The following TTC28 variants were observed in gnomAD, a reference collection of about 807,000 sequenced individuals.
TTC28 encodes tetratricopeptide repeat protein 28.
A neutral mutation model predicts 198.0 loss-of-function variants in TTC28; 61 were observed. That is an observed-to-expected ratio of 0.31 (90% CI 0.25 to 0.38). The LOEUF (loss-of-function observed/expected upper bound fraction) is 0.38, where lower values mean the gene tolerates loss of function less well. Ranked by LOEUF, TTC28 falls within the 10% of genes least tolerant of loss-of-function variation. The probability of loss-of-function intolerance (pLI) is 1.00; values close to 1 mark genes in which losing one functional copy is unlikely to be tolerated. For missense variants in TTC28, 2,678 were observed against 3,164.0 expected (o/e 0.85, Z 3.69); for synonymous variants, 1,171 against 1,297.8 (o/e 0.90, Z 2.10).
chr22:28,530,963 T>C (rs1043783640), intron 2 of TTC28, among the ~76,000 whole-genome samples: 2 of 152,096 alleles, frequency 1.3e-5, no homozygotes, highest in African/African-American at 4.8e-5. Flanking sequence ...CATGCCAAAC[T>C]GTAAAGACCA....
At chr22:28,222,167 T>C (rs2147205456) in intron 5 of TTC28, among the ~76,000 whole-genome samples, 1 of 152,336 alleles carries the variant, frequency 6.6e-6, no homozygotes, top group Middle Eastern at 3.4e-3. Context: ...AGCTGAAGCC[T>C]GACACAGAGG....
At position 28,137,742 on chromosome 22, in the gene TTC28, C is replaced by T. The variant is rs115782810; in HGVS notation, c.1441+25350G>A. Among the ~76,000 whole-genome samples, 464 of 152,126 alleles carry T rather than the reference C, an allele frequency of 3.1e-3. 6 individuals carry two copies. Among genetic ancestry groups the T allele is most frequent in the African/African-American group, 0.011 (443 of 41,512 alleles). ...GAAAATAGTCACTATGGGCCAGGCA[C>T]GGTGGCTCACACCTGTAATCCCAGC... On this transcript the variant is annotated intron_variant, in intron 6 of 22. Transcript: ENST00000397906.
At chr22:28,499,050 C>T (rs989299908) in intron 2 of TTC28, among the ~76,000 whole-genome samples, 2 of 151,940 alleles carry the variant, frequency 1.3e-5, no homozygotes, top group East Asian at 1.9e-4. Flanking sequence ...TGTAGGCACA[C>T]GCCTGTGGTC....
At chr22:28,521,422 A>T (rs1415417733) in intron 2 of TTC28, among the ~76,000 whole-genome samples, 2 of 152,082 alleles carry the variant, frequency 1.3e-5, no homozygotes, top group African/African-American at 2.4e-5. Flanking sequence ...TTAAAAAAAA[A>T]GCCTATCTGT....
intron 2 of TTC28, among the ~76,000 whole-genome samples, chr22:28,590,372 G>A (rs975238423): frequency 1.1e-4 from 16 of 151,966 alleles, no homozygotes; most frequent in Admixed American, 9.8e-4. Flanking sequence ...CTTGTGATCC[G>A]CCCACCTTGG....
intron 12 of TTC28, among the ~76,000 whole-genome samples, chr22:28,053,529 A>G (rs1940166377): frequency 2.0e-5 from 3 of 152,238 alleles, no homozygotes; most frequent in African/African-American, 7.2e-5. Context: ...AGCAAGGGAA[A>G]TAACAGCTTA....
intron 2 of TTC28, among the ~76,000 whole-genome samples, chr22:28,553,628 G>A (rs1338168972): frequency 9.2e-5 from 14 of 152,000 alleles, no homozygotes; most frequent in African/African-American, 2.2e-4. Context: ...GTCTCCGCCC[G>A]GCAGCCACCC....
intron 5 of TTC28, among the ~76,000 whole-genome samples, chr22:28,193,340 T>C (rs1176811408): frequency 1.3e-5 from 2 of 152,128 alleles, no homozygotes; most frequent in African/African-American, 2.4e-5. Flanking sequence ...ATATGCCAAA[T>C]TGTAAAGACC....
At chr22:28,395,518 G>C (rs997347752) in intron 2 of TTC28, among the ~76,000 whole-genome samples, 1 of 151,630 alleles carries the variant, frequency 6.6e-6, no homozygotes, top group Non-Finnish European at 1.5e-5. Flanking sequence ...CGTAGTCCCA[G>C]CTACTCGGGA....
intron 5 of TTC28, among the ~76,000 whole-genome samples, chr22:28,292,889 G>A (rs1472993094): frequency 6.6e-6 from 1 of 152,222 alleles, no homozygotes; most frequent in Admixed American, 6.5e-5. Context: ...CCTAAGCACA[G>A]TATTAGGTGC....
intron 6 of TTC28, among the ~76,000 whole-genome samples, chr22:28,125,779 A>C (rs1016479434): frequency 6.6e-6 from 1 of 152,250 alleles, no homozygotes; most frequent in African/African-American, 2.4e-5. Flanking sequence ...TATTCAGCAT[A>C]GAAATATGTT....
intron 12 of TTC28, among the ~76,000 whole-genome samples, chr22:28,091,491 C>T (rs958337018): frequency 4.6e-5 from 7 of 152,018 alleles, no homozygotes; most frequent in Non-Finnish European, 1.0e-4. Context: ...TGTCATACAC[C>T]CAAGTACCTT....
intron 11 of TTC28, among the ~76,000 whole-genome samples, chr22:28,095,265 T>C (rs1197257490): frequency 2.6e-5 from 4 of 151,826 alleles, no homozygotes; most frequent in South Asian, 2.1e-4. Context: ...ATAAAGAACA[T>C]GGAACTAAAG....
intron 5 of TTC28, among the ~76,000 whole-genome samples, chr22:28,264,775 G>A (rs780848115): frequency 2.6e-5 from 4 of 152,210 alleles, no homozygotes; most frequent in South Asian, 2.1e-4. Flanking sequence ...TGAAGAACAC[G>A]GGTTTAGACC....
intron 2 of TTC28, among the ~76,000 whole-genome samples, chr22:28,432,108 A>C (rs1038672815): frequency 6.6e-6 from 1 of 151,478 alleles, no homozygotes; most frequent in South Asian, 2.1e-4. Flanking sequence ...AAACAGTGAA[A>C]CCCTGTCTCT....
At chr22:28,564,097 A>C (rs1410582379) in intron 2 of TTC28, among the ~76,000 whole-genome samples, 3 of 152,136 alleles carry the variant, frequency 2.0e-5, no homozygotes, top group African/African-American at 7.2e-5. Context: ...AAATCTACAG[A>C]ATGTAGATTG....
chr22:28,604,296 A>ATT (rs1441932568), intron 2 of TTC28, among the ~76,000 whole-genome samples: 31 of 75,078 alleles, frequency 4.1e-4, no homozygotes, highest in African/African-American at 6.9e-4. Flanking sequence ...AAAAAAAAAA[A>ATT]TTATATATAT....
chr22:28,554,356 C>A (rs1431538468), intron 2 of TTC28, among the ~76,000 whole-genome samples: 1 of 149,096 alleles, frequency 6.7e-6, no homozygotes, highest in East Asian at 1.9e-4. Flanking sequence ...CAAGAAACAC[C>A]CAAGAATGAT....
At chr22:28,617,432 G>A (rs894023473) in intron 2 of TTC28, among the ~76,000 whole-genome samples, 1 of 152,062 alleles carries the variant, frequency 6.6e-6, no homozygotes, top group Non-Finnish European at 1.5e-5. Context: ...TTGAGCCTGG[G>A]AGTTTCAGGC....
Sources: allele counts gnomAD v4.1 joint callset (sites outside exome capture counted in the v4.1 genomes callset), GRCh38; gene constraint gnomAD v4.1.1; transcripts MANE v1.5; gene names NCBI Gene and HGNC (gene_info 2026-07-23, HGNC 2026-07-21).